Variants in CCDC192 observed in about 807,000 individuals in gnomAD.
The protein encoded by CCDC192 is coiled-coil domain containing 192.
chr5:127,798,789 A>G (rs1580677337), intron 5 of CCDC192, among the ~76,000 whole-genome samples: 1 of 151,706 alleles, frequency 6.6e-6, no homozygotes, highest in African/African-American at 2.4e-5. Flanking sequence ...GCAAGTGACC[A>G]TATAAACCAA....
chr5:127,892,481 T>G (rs539348262), intron 6 of CCDC192, among the ~76,000 whole-genome samples: 4 of 152,314 alleles, frequency 2.6e-5, no homozygotes, highest in African/African-American at 9.6e-5. Flanking sequence ...GTAGTGTGGA[T>G]TCAAAATGCC....
At chr5:127,762,338 G>A (rs771626574) in intron 3 of CCDC192, among the ~76,000 whole-genome samples, 4 of 152,118 alleles carry the variant, frequency 2.6e-5, no homozygotes, top group Non-Finnish European at 5.9e-5. Flanking sequence ...AAACAATTTG[G>A]CTAGCCAGAG....
chr5:127,849,369 G>T (rs974982985), intron 5 of CCDC192, among the ~76,000 whole-genome samples: 1 of 151,980 alleles, frequency 6.6e-6, no homozygotes, highest in South Asian at 2.1e-4. Context: ...AGCCACAGGG[G>T]ATAGAGGCTG....
At chr5:127,740,085 G>A (rs790827) in intron 2 of CCDC192, 45,703 of 152,234 alleles carry the variant, frequency 0.3, 7,346 homozygotes, top group South Asian at 0.43. Context: ...GGATTTATGA[G>A]ATGGGAAATT....
chr5:127,889,485 TCTGC>T (rs1349829960), intron 6 of CCDC192, among the ~76,000 whole-genome samples: 2 of 151,090 alleles, frequency 1.3e-5, no homozygotes, highest in Admixed American at 6.6e-5. Flanking sequence ...CACTGCAACC[TCTGC>T]CTGCCAGGTT....
intron 2 of CCDC192, among the ~76,000 whole-genome samples, chr5:127,727,736 G>T (rs1261400749): frequency 1.3e-5 from 2 of 152,100 alleles, no homozygotes; most frequent in Non-Finnish European, 2.9e-5. Context: ...GCGTAATAAT[G>T]AACTTTGCTG....
intron 5 of CCDC192, among the ~76,000 whole-genome samples, chr5:127,858,550 T>G (rs146154549): frequency 3.3e-5 from 5 of 152,366 alleles, no homozygotes; most frequent in Non-Finnish European, 5.9e-5. Flanking sequence ...TGTGTGATTA[T>G]TTTAAGTCTG....
chr5:127,703,547 G>A (rs1750794048), intron 1 of CCDC192, 40 bp downstream of exon 1: 1 of 397,934 alleles, frequency 2.5e-6, no homozygotes, highest in Non-Finnish European at 4.4e-6. Flanking sequence ...TAATTCATGG[G>A]AATTTCTGGA....
Position 127,852,666 on chromosome 5 carries a change from GGAGA to G in CCDC192, c.412-22869_412-22866del, listed in dbSNP as rs552361539. 1.3e-4 allele frequency among the ~76,000 whole-genome samples: 20 copies of G among 152,258 alleles called. No homozygotes were observed. In the East Asian group the frequency reaches 3.7e-3, roughly 28 times the overall value. ...TGCAGCTATTCTCCCATAACAGGAGGGAGAGACACTTTGTAAGCTACTAAAGATG... is the reference window on the plus strand; with the variant it reads ...TGCAGCTATTCTCCCATAACAGGAGGGACACTTTGTAAGCTACTAAAGATG... On this transcript the variant is annotated intron_variant, in intron 5 of 6. Coordinates refer to ENST00000514853, the MANE Select transcript of CCDC192 (RefSeq NM_001317938.2).
intron 6 of CCDC192, among the ~76,000 whole-genome samples, chr5:127,903,281 C>T (rs1283315281): frequency 3.3e-5 from 5 of 149,292 alleles, no homozygotes; most frequent in Non-Finnish European, 5.9e-5. Context: ...TTGGTCTTGT[C>T]GCCCAGGCTG....
At chr5:127,809,961 T>A (rs971483080) in intron 5 of CCDC192, among the ~76,000 whole-genome samples, 1 of 152,226 alleles carries the variant, frequency 6.6e-6, no homozygotes, top group African/African-American at 2.4e-5. Context: ...CATTTATTCA[T>A]AGCCTAAATA....
chr5:127,893,813 G>T (rs1752795799), intron 6 of CCDC192, among the ~76,000 whole-genome samples: 1 of 152,022 alleles, frequency 6.6e-6, no homozygotes, highest in South Asian at 2.1e-4. Flanking sequence ...GGCTTTGTAA[G>T]TTACACAATG....
chr5:127,880,693 G>C (rs1158767829), intron 6 of CCDC192, among the ~76,000 whole-genome samples: 1 of 151,766 alleles, frequency 6.6e-6, no homozygotes, highest in East Asian at 1.9e-4. Context: ...TTAAAATATA[G>C]TATAGGCCAG....
chr5:127,874,408 A>T (rs902981964), intron 5 of CCDC192, among the ~76,000 whole-genome samples: 5 of 152,200 alleles, frequency 3.3e-5, no homozygotes, highest in African/African-American at 1.2e-4. Context: ...TAAATCATCC[A>T]GATGATGTAT....
chr5:127,911,294 G>A (rs1417793294), intron 6 of CCDC192, among the ~76,000 whole-genome samples: 1 of 152,192 alleles, frequency 6.6e-6, no homozygotes, highest in Non-Finnish European at 1.5e-5. Flanking sequence ...ATGCCAGAGT[G>A]AGGAACAGAC....
chr5:127,902,353 G>GT lies in CCDC192; in HGVS notation c.535+26705dup, dbSNP rs769152542. On this transcript the variant is annotated intron_variant, in intron 6 of 6. Transcript: ENST00000514853. ...AACATAACAACAGGAAGCTATAAAA[G>GT]TTTTTTTTTTTTTCCATTCTTGAAT... Among the ~76,000 whole-genome samples, 1,192 of 143,622 alleles carry GT rather than the reference G, an allele frequency of 8.3e-3. 14 individuals are homozygous for GT. The highest frequency in any genetic ancestry group is 0.023 in the African/African-American group (889 of 39,498). The allele number at this position is 143,622 out of a possible 152,430, so 94.2% of individuals were successfully genotyped here.
At chr5:127,773,976 C>T (rs375903791) in intron 3 of CCDC192, among the ~76,000 whole-genome samples, 1 of 152,138 alleles carries the variant, frequency 6.6e-6, no homozygotes, top group African/African-American at 2.4e-5. Context: ...GAAGTAGAAT[C>T]TCGCTGTGGT....
At chr5:127,766,401 A>G (rs114075605) in intron 3 of CCDC192, among the ~76,000 whole-genome samples, 409 of 152,246 alleles carry the variant, frequency 2.7e-3, no homozygotes, top group African/African-American at 8.9e-3. Flanking sequence ...ATCAAATTCA[A>G]TTTCCTCCCT....
chr5:127,725,427 A>G (rs1752265623), intron 2 of CCDC192, among the ~76,000 whole-genome samples: 2 of 152,218 alleles, frequency 1.3e-5, no homozygotes, highest in Non-Finnish European at 2.9e-5. Context: ...CTAGTAGCCA[A>G]ATTGAAAATT....
Sources: allele counts gnomAD v4.1 joint callset (sites outside exome capture counted in the v4.1 genomes callset), GRCh38; gene constraint gnomAD v4.1.1; transcripts MANE v1.5; gene names NCBI Gene and HGNC (gene_info 2026-07-23, HGNC 2026-07-21).